The following CDH11 variants were observed in gnomAD, a reference collection of about 807,000 sequenced individuals.
CDH11 encodes the protein cadherin 11.
Under a neutral mutation model 67.8 loss-of-function variants are expected in CDH11, and 11 were observed. The observed-to-expected ratio is 0.16, with a 90% CI of 0.10 to 0.27. CDH11 has a LOEUF of 0.27. CDH11 is among the 10% of genes least tolerant of loss of function. The pLI, the probability that CDH11 is intolerant of heterozygous loss-of-function variation, is 1.00. For missense variants in CDH11, 847 were observed against 1,031.2 expected (o/e 0.82, Z 2.45); for synonymous variants, 419 against 400.0 (o/e 1.05, Z -0.57).
At chr16:64,974,754 CTT>C (rs1364795367) in intron 8 of CDH11, among the ~76,000 whole-genome samples, 1 of 152,118 alleles carries the variant, frequency 6.6e-6, no homozygotes, top group African/African-American at 2.4e-5. Context: ...TAATCAAAGA[CTT>C]TTTTTCCTTC....
chr16:64,966,543 A>T (rs2071833730), intron 11 of CDH11, among the ~76,000 whole-genome samples: 1 of 152,078 alleles, frequency 6.6e-6, no homozygotes, highest in Non-Finnish European at 1.5e-5. Context: ...ATAGAAAGTT[A>T]AAAAAATCTA....
intron 1 of CDH11, among the ~76,000 whole-genome samples, chr16:65,072,955 G>T (rs1165488332): frequency 6.6e-6 from 1 of 152,198 alleles, no homozygotes; most frequent in Non-Finnish European, 1.5e-5. Context: ...TCAGCACAGA[G>T]CAAGCTCTTA....
At chr16:65,047,331 AC>A (rs1325376211) in intron 2 of CDH11, among the ~76,000 whole-genome samples, 1 of 150,846 alleles carries the variant, frequency 6.6e-6, no homozygotes, top group African/African-American at 2.4e-5. Flanking sequence ...ACTCTTTTTC[AC>A]CTTTTAATTT....
chr16:65,106,210 T>C (rs1402064314), intron 1 of CDH11, among the ~76,000 whole-genome samples: 1 of 152,206 alleles, frequency 6.6e-6, no homozygotes, highest in African/African-American at 2.4e-5. Flanking sequence ...TAATGTTCCA[T>C]TCTAATCCTC....
In CDH11 at chr16:65,104,865, G is replaced by A. The variant is rs898762403; in HGVS notation, c.-298+17015C>T. On this transcript the variant is annotated intron_variant, in intron 1 of 12. Coordinates refer to ENST00000268603, the MANE Select transcript of CDH11 (RefSeq NM_001797.4). ...AAGACCCCAAAAGACAAGGAAGTAC[G>A]TAAGCTGACTTTGCAAATTCTGTTG... Among the ~76,000 whole-genome samples the A allele has an allele frequency of 5.3e-5, 8 of 152,180 alleles. No individual in the cohort carries two copies. The East Asian group carries it at 7.7e-4, about 15-fold the overall frequency.
At chr16:65,024,278 A>G (rs1469443485) in intron 2 of CDH11, among the ~76,000 whole-genome samples, 2 of 152,216 alleles carry the variant, frequency 1.3e-5, no homozygotes, top group African/African-American at 2.4e-5. Flanking sequence ...TCAATAGAAT[A>G]TAAAGTTGAC....
intron 1 of CDH11, among the ~76,000 whole-genome samples, chr16:65,071,489 G>A (rs1597158014): frequency 6.6e-6 from 1 of 152,214 alleles, no homozygotes; most frequent in African/African-American, 2.4e-5. Flanking sequence ...GATGAGTAAG[G>A]GGTTACGTAG....
At chr16:65,044,421 A>G (rs2073920325) in intron 2 of CDH11, among the ~76,000 whole-genome samples, 1 of 152,176 alleles carries the variant, frequency 6.6e-6, no homozygotes, top group Non-Finnish European at 1.5e-5. Flanking sequence ...GTAGAACACT[A>G]TATTCCTCTT....
intron 1 of CDH11, among the ~76,000 whole-genome samples, chr16:65,062,099 G>T (rs2074242982): frequency 6.6e-6 from 1 of 152,148 alleles, no homozygotes; most frequent in Non-Finnish European, 1.5e-5. Flanking sequence ...TAGGAAAGTA[G>T]TCCAATGATT....
intron 9 of CDH11, among the ~76,000 whole-genome samples, chr16:64,972,385 G>A (rs900098485): frequency 8.5e-5 from 13 of 152,154 alleles, no homozygotes; most frequent in African/African-American, 3.1e-4. Flanking sequence ...CTTAAATGTG[G>A]GAGTCTAGAG....
chr16:65,006,885 C>G (rs921094123), intron 2 of CDH11: 2 of 152,520 alleles, frequency 1.3e-5, no homozygotes, highest in Admixed American at 6.5e-5. Context: ...GGGAGTTTCC[C>G]TGCACAAGCT....
intron 1 of CDH11, among the ~76,000 whole-genome samples, chr16:65,074,423 T>G (rs2074472054): frequency 1.3e-5 from 2 of 152,194 alleles, no homozygotes; most frequent in South Asian, 2.1e-4. Context: ...CCGGCTTAAC[T>G]TCTCTGAACC....
Position 64,947,104 on chromosome 16 carries a change from TG to T in CDH11, c.*498del. On this transcript the variant is annotated 3_prime_UTR_variant, in exon 13 of 13. Coordinates refer to ENST00000268603, the MANE Select transcript of CDH11 (RefSeq NM_001797.4). ...ATGCTCAAGAGACATAATTGTACAT[TG>T]TATTGTACATACATTGTATGGGTTT... 1 of 1,034,340 alleles carries T rather than the reference TG, an allele frequency of 9.7e-7. No individual in the cohort carries two copies. The highest frequency in any genetic ancestry group is 1.2e-6 in the Non-Finnish European group (1 of 858,882). The allele number at this position is 1,034,340 out of a possible 1,614,324, so 64.1% of individuals were successfully genotyped here.
chr16:65,122,220 G>T (rs1463757830), upstream of CDH11: 1 of 517,098 alleles, frequency 1.9e-6, no homozygotes, highest in Non-Finnish European at 3.4e-6. Context: ...GAGAGGCAGC[G>T]AGATGGGCCT....
chr16:64,983,260 G>C (rs182192824), intron 7 of CDH11: 1 of 152,176 alleles, frequency 6.6e-6, no homozygotes, highest in East Asian at 1.9e-4. Context: ...CATTTGAATG[G>C]CTGTAGTTAT....
intron 2 of CDH11, among the ~76,000 whole-genome samples, chr16:65,007,570 C>T (rs567999393): frequency 6.6e-6 from 1 of 152,290 alleles, no homozygotes; most frequent in East Asian, 1.9e-4. Flanking sequence ...TATGAAACAA[C>T]AGAAAGATTT....
chr16:65,068,253 A>T (rs556212849), intron 1 of CDH11, among the ~76,000 whole-genome samples: 1 of 151,992 alleles, frequency 6.6e-6, no homozygotes, highest in Admixed American at 6.6e-5. Flanking sequence ...AAACTGCAAG[A>T]TAAAGTAATC....
intron 1 of CDH11, among the ~76,000 whole-genome samples, chr16:65,113,975 C>T (rs2064130195): frequency 6.6e-6 from 1 of 152,078 alleles, no homozygotes; most frequent in South Asian, 2.1e-4. Flanking sequence ...TTATCAAATA[C>T]CAGGTTCCAA....
chr16:65,048,172 G>T (rs777065005), intron 2 of CDH11, among the ~76,000 whole-genome samples: 109 of 152,136 alleles, frequency 7.2e-4, no homozygotes, highest in Non-Finnish European at 1.1e-3. Flanking sequence ...TGCCATTTTT[G>T]CCCCTCACTC....
Sources: gnomAD v4.1 joint callset for allele counts (sites outside exome capture counted in the v4.1 genomes callset) on GRCh38, gnomAD v4.1.1 for gene constraint, MANE v1.5 for transcripts, NCBI Gene and HGNC (gene_info 2026-07-23, HGNC 2026-07-21) for gene names.